The following TBCA variants were observed in gnomAD, a reference collection of about 807,000 sequenced individuals.
The protein encoded by TBCA is tubulin-specific chaperone A.
In TBCA, 6 loss-of-function variants were observed where a neutral mutation model predicts 15.8. That is an observed-to-expected ratio of 0.38 (90% confidence interval 0.21 to 0.75). The LOEUF is 0.75. Ranked by LOEUF, TBCA falls within the 30% of genes least tolerant of loss-of-function variation. The probability of loss-of-function intolerance (pLI) is 0.46; values close to 1 mark genes in which losing one functional copy is unlikely to be tolerated. For synonymous variants in TBCA, 32 were observed against 42.3 expected (o/e 0.76, Z 0.94); for missense variants, 90 against 131.2 (o/e 0.69, Z 1.53).
At chr5:77,769,973 T>C (rs917457734) in intron 1 of TBCA, among the ~76,000 whole-genome samples, 4 of 152,226 alleles carry the variant, frequency 2.6e-5, no homozygotes, top group African/African-American at 9.6e-5. Flanking sequence ...TATAAAAAGA[T>C]ATATTTAAGA....
At chr5:77,761,145 G>A (rs1430757827) in intron 1 of TBCA, among the ~76,000 whole-genome samples, 3 of 152,206 alleles carry the variant, frequency 2.0e-5, no homozygotes, top group East Asian at 3.9e-4. Flanking sequence ...AAGAGACAGC[G>A]ACCATCGAGA....
intron 1 of TBCA, among the ~76,000 whole-genome samples, chr5:77,722,927 A>T (rs56182368): frequency 0.15 from 22,454 of 151,680 alleles, 2,190 homozygotes; most frequent in East Asian, 0.35. Flanking sequence ...ATATCTCTCT[A>T]TGATAGTATA....
chr5:77,695,522 A>G (rs1368697969), intron 2 of TBCA, among the ~76,000 whole-genome samples: 1 of 152,192 alleles, frequency 6.6e-6, no homozygotes, highest in African/African-American at 2.4e-5. Context: ...GGAATCCACA[A>G]ACCACATCTT....
intron 3 of TBCA, 115 bp downstream of exon 3, chr5:77,693,151 A>T: frequency 6.5e-7 from 1 of 1,536,668 alleles, no homozygotes; most frequent in Non-Finnish European, 8.7e-7. Context: ...TATAAAGGGC[A>T]AGTGAATAAG....
chr5:77,755,109 T>G (rs1019076640), intron 1 of TBCA, among the ~76,000 whole-genome samples: 9 of 152,114 alleles, frequency 5.9e-5, no homozygotes, highest in African/African-American at 2.2e-4. Context: ...GCAAAAACAA[T>G]AACAAAAAGA....
At chr5:77,755,725 C>T (rs1220528745) in intron 1 of TBCA, among the ~76,000 whole-genome samples, 1 of 152,010 alleles carries the variant, frequency 6.6e-6, no homozygotes, top group African/African-American at 2.4e-5. Context: ...CAAATAGGGG[C>T]CGGGTGCAGG....
At chr5:77,733,762 G>A (rs537811551) in intron 1 of TBCA, among the ~76,000 whole-genome samples, 3 of 152,320 alleles carry the variant, frequency 2.0e-5, no homozygotes, top group African/African-American at 7.2e-5. Flanking sequence ...GATGAAGGTG[G>A]CTATGCTGAA....
intron 1 of TBCA, among the ~76,000 whole-genome samples, chr5:77,720,920 G>A (rs908577402): frequency 2.0e-5 from 3 of 152,110 alleles, no homozygotes; most frequent in Non-Finnish European, 4.4e-5. Context: ...TGGCAAACTA[G>A]AGTATTAGGA....
intron 1 of TBCA, among the ~76,000 whole-genome samples, chr5:77,774,684 C>T (rs1052537706): frequency 2.6e-5 from 4 of 152,138 alleles, no homozygotes; most frequent in Admixed American, 2.6e-4. Flanking sequence ...ATGTATAAAA[C>T]CAAGCTGTAG....
At chr5:77,694,311 T>C (rs1745824298) in intron 2 of TBCA, 1 of 152,222 alleles carries the variant, frequency 6.6e-6, no homozygotes, top group African/African-American at 2.4e-5. Context: ...AAATTACCAA[T>C]GTGGCACCCC....
In TBCA at chr5:77,768,405, T is replaced by C. The variant is rs765504713; in HGVS notation, c.53+7800A>G. ...TAAGTAACTTTCCCAGGGTCACATA[T>C]GTAATAACGTGTAGTAAGTGGAGCC... On this transcript the variant is annotated intron_variant, in intron 1 of 3. Coordinates refer to ENST00000380377, the MANE Select transcript of TBCA (RefSeq NM_004607.3). 8.3e-4 allele frequency among the ~76,000 whole-genome samples: 126 copies of C among 152,182 alleles called. 1 individual carries two copies. The highest frequency in any genetic ancestry group is 3.4e-4 in the Non-Finnish European group (23 of 68,036).
intron 2 of TBCA, among the ~76,000 whole-genome samples, chr5:77,701,100 G>C (rs375359022): frequency 5.3e-5 from 8 of 152,232 alleles, no homozygotes; most frequent in African/African-American, 1.9e-4. Context: ...CATGGCAAAA[G>C]GAACAGTCAG....
At chr5:77,694,712 T>C (rs1297611140) in intron 2 of TBCA, among the ~76,000 whole-genome samples, 3 of 152,212 alleles carry the variant, frequency 2.0e-5, no homozygotes, top group South Asian at 2.1e-4. Context: ...AATAATACTA[T>C]ATTTTAATAG....
chr5:77,702,565 T>A (rs1406675767), intron 2 of TBCA, among the ~76,000 whole-genome samples: 3 of 152,182 alleles, frequency 2.0e-5, no homozygotes, highest in African/African-American at 7.2e-5. Flanking sequence ...CAGTTCTCCA[T>A]CTTGATTGGT....
chr5:77,704,354 A>C (rs761832148), intron 2 of TBCA, among the ~76,000 whole-genome samples: 37 of 152,182 alleles, frequency 2.4e-4, no homozygotes, highest in Non-Finnish European at 4.6e-4. Flanking sequence ...TCTTCAGGTA[A>C]GAGTTTGGTA....
intron 1 of TBCA, among the ~76,000 whole-genome samples, chr5:77,758,799 T>C (rs987038684): frequency 5.3e-5 from 8 of 152,246 alleles, no homozygotes; most frequent in Non-Finnish European, 1.0e-4. Flanking sequence ...GGTCATTCTC[T>C]GCCATTTTCT....
At chr5:77,758,187 T>C (rs1250301648) in intron 1 of TBCA, among the ~76,000 whole-genome samples, 1 of 152,156 alleles carries the variant, frequency 6.6e-6, no homozygotes, top group African/African-American at 2.4e-5. Context: ...TATTGTTTTA[T>C]ATTGTTTTAT....
intron 1 of TBCA, among the ~76,000 whole-genome samples, chr5:77,770,933 C>G (rs1337355019): frequency 3.9e-5 from 6 of 151,978 alleles, no homozygotes; most frequent in African/African-American, 1.5e-4. Flanking sequence ...GTCAGGAGTT[C>G]AAGATCAGCC....
At chr5:77,710,587 T>C (rs1397073277) in intron 1 of TBCA, among the ~76,000 whole-genome samples, 1 of 152,192 alleles carries the variant, frequency 6.6e-6, no homozygotes, top group Non-Finnish European at 1.5e-5. Context: ...ATTTGACATA[T>C]ACATCTGAAT....
Sources: allele counts gnomAD v4.1 joint callset (sites outside exome capture counted in the v4.1 genomes callset), GRCh38; gene constraint gnomAD v4.1.1; transcripts MANE v1.5; gene names NCBI Gene and HGNC (gene_info 2026-07-23, HGNC 2026-07-21).